Variants in ZNF521 observed in about 807,000 individuals in gnomAD.
ZNF521 encodes LYST-interacting protein 3.
ZNF521 carries 14 observed loss-of-function variants against 105.5 expected under a neutral mutation model. The ratio of observed to expected loss-of-function variants is 0.13; its 90% CI spans 0.09 to 0.21. The LOEUF (loss-of-function observed/expected upper bound fraction) is 0.21, where lower values mean the gene tolerates loss of function less well. Ranked by LOEUF, ZNF521 falls within the 10% of genes least tolerant of loss-of-function variation. The probability of loss-of-function intolerance (pLI) is 1.00; values close to 1 mark genes in which losing one functional copy is unlikely to be tolerated. For missense variants in ZNF521, 1,233 were observed against 1,629.7 expected, an observed-to-expected ratio of 0.76 and a Z score of 4.19; for synonymous variants, 635 against 606.0, an observed-to-expected ratio of 1.05 and a Z score of -0.70.
Position 25,226,705 on chromosome 18 carries a change from A to C in ZNF521, c.1213T>G (p.Tyr405Asp). 1 of 1,614,166 alleles carries C rather than the reference A, an allele frequency of 6.2e-7. No homozygotes were observed. Among genetic ancestry groups the C allele is most frequent in the Middle Eastern group, 1.6e-4 (1 of 6,062 alleles). ...TGTTTGTTGCAGTAAATACAGCTGT[A>C]GGTAACTTTTGCTTGTTTACTCGAG... ...GPSSKQAKVT[Y>D]SCIYCNKQLF... The change falls in exon 4 of 8, where the codon TAC becomes GAC. Residue 405 changes from tyrosine to aspartate, a missense_variant. Physicochemically the swap from Tyr to Asp is radical, Grantham distance 160 (BLOSUM62 -3). Coordinates refer to ENST00000361524, the MANE Select transcript of ZNF521 (RefSeq NM_015461.3). This position sits in a 1 kb window ranked among gnomAD's most constrained non-coding sequence, Gnocchi z 4.1.
At chr18:25,245,632 G>A (rs1183153112) in intron 3 of ZNF521, among the ~76,000 whole-genome samples, 3 of 152,144 alleles carry the variant, frequency 2.0e-5, no homozygotes, top group South Asian at 2.1e-4. Flanking sequence ...TGGGATCAAA[G>A]GTGTATGAAA....
At chr18:25,208,227 T>A (rs182574889) in intron 4 of ZNF521, among the ~76,000 whole-genome samples, 12 of 152,336 alleles carry the variant, frequency 7.9e-5, no homozygotes, top group Non-Finnish European at 2.9e-5. Flanking sequence ...TTTATAGGTT[T>A]AATTCTTTAC....
At chr18:25,076,640 ATTAT>A (rs2033369082) in intron 7 of ZNF521, among the ~76,000 whole-genome samples, 1 of 152,204 alleles carries the variant, frequency 6.6e-6, no homozygotes. Context: ...GGCAGCCTTT[ATTAT>A]ATAATAAAAT....
intron 5 of ZNF521, among the ~76,000 whole-genome samples, chr18:25,146,594 A>G (rs1351776333): frequency 6.6e-6 from 1 of 152,202 alleles, no homozygotes; most frequent in African/African-American, 2.4e-5. Flanking sequence ...CATCTTTATT[A>G]GAAAAACTGT....
At chr18:25,089,678 C>A (rs936517578) in intron 6 of ZNF521, 98 bp from the exon 7 acceptor site, 41 of 916,900 alleles carry the variant, frequency 4.5e-5, no homozygotes, top group Middle Eastern at 2.1e-4. Flanking sequence ...GGACAGCACG[C>A]CTCCCAGGTG....
At chr18:25,310,350 TTTAA>T (rs985759296) in intron 3 of ZNF521, among the ~76,000 whole-genome samples, 15 of 152,098 alleles carry the variant, frequency 9.9e-5, no homozygotes, top group Non-Finnish European at 2.2e-4. Context: ...TGTCTACATT[TTTAA>T]TTAGTCACCA....
At chr18:25,333,731 G>A (rs558547270) in intron 2 of ZNF521, among the ~76,000 whole-genome samples, 3 of 152,188 alleles carry the variant, frequency 2.0e-5, no homozygotes, top group South Asian at 2.1e-4. Flanking sequence ...AATATATTTC[G>A]AACAAAAGAA....
intron 5 of ZNF521, among the ~76,000 whole-genome samples, chr18:25,146,059 C>T (rs562927925): frequency 1.3e-5 from 2 of 152,278 alleles, no homozygotes; most frequent in African/African-American, 2.4e-5. Context: ...AACCTTCAAA[C>T]AACCTTATTA....
chr18:25,317,967 A>G, intron 3 of ZNF521, among the ~76,000 whole-genome samples: 1 of 152,174 alleles, frequency 6.6e-6, no homozygotes, highest in Non-Finnish European at 1.5e-5. Context: ...CAGCAATTCT[A>G]TTCCTAACGA....
rs1309915565 is a variant in ZNF521 at position 25,061,956 on chromosome 18, A to C, written c.*756T>G. On this transcript the variant is annotated 3_prime_UTR_variant, in exon 8 of 8. Coordinates refer to ENST00000361524, the MANE Select transcript of ZNF521 (RefSeq NM_015461.3). ...GTAAACTGAATTTATTTCCTCTTGGAAAACAATTCCAGTAATCTCCAGGTT... is the reference window on the plus strand; with the variant it reads ...GTAAACTGAATTTATTTCCTCTTGGCAAACAATTCCAGTAATCTCCAGGTT... 1 of 181,968 alleles carries C rather than the reference A, an allele frequency of 5.5e-6. No homozygotes were observed. Among genetic ancestry groups the C allele is most frequent in the African/African-American group, 2.4e-5 (1 of 42,468 alleles). 11.3% of individuals were successfully genotyped at this position (181,968 alleles called of 1,614,324 possible). A position where few individuals can be genotyped will look rare whatever the true frequency, so the allele number is the denominator to read the frequency against.
At chr18:25,332,066 G>T (rs1019658545) in intron 2 of ZNF521, among the ~76,000 whole-genome samples, 1 of 122,466 alleles carries the variant, frequency 8.2e-6, no homozygotes, top group African/African-American at 2.9e-5. Flanking sequence ...AAAATGTTGG[G>T]TTTTTTCTTT....
intron 5 of ZNF521, among the ~76,000 whole-genome samples, chr18:25,128,033 T>C (rs959470823): frequency 2.0e-5 from 3 of 151,828 alleles, no homozygotes; most frequent in South Asian, 4.2e-4. Context: ...AGGAAAACAA[T>C]AGACCACTAT....
chr18:25,206,282 A>G (rs978194023), intron 4 of ZNF521, among the ~76,000 whole-genome samples: 3 of 152,168 alleles, frequency 2.0e-5, no homozygotes, highest in African/African-American at 7.2e-5. Flanking sequence ...TGCTGGGATT[A>G]CAGGTGTAAG....
intron 3 of ZNF521, among the ~76,000 whole-genome samples, chr18:25,298,874 C>T (rs1477708180): frequency 6.6e-6 from 1 of 152,190 alleles, no homozygotes; most frequent in Non-Finnish European, 1.5e-5. Flanking sequence ...TACAGTTTCA[C>T]TTGATCAAGC....
At chr18:25,115,137 G>A (rs1252485411) in intron 5 of ZNF521, among the ~76,000 whole-genome samples, 1 of 152,144 alleles carries the variant, frequency 6.6e-6, no homozygotes, top group East Asian at 1.9e-4. Flanking sequence ...TCTATAGTCT[G>A]GGATTCTCAA....
chr18:25,144,959 T>C (rs117650981), intron 5 of ZNF521, among the ~76,000 whole-genome samples: 2,429 of 152,218 alleles, frequency 0.016, 22 homozygotes, highest in Non-Finnish European at 0.025. Flanking sequence ...AGAACTCCAT[T>C]CTCCCCTTTG....
Position 25,226,720 on chromosome 18 carries a change from G to C in ZNF521, c.1198C>G (p.Gln400Glu). ...ATACAGCTGTAGGTAACTTTTGCTT[G>C]TTTACTCGAGGGACCAGTCATGTCA... The part of the protein sequence containing the change: ...TPDMTGPSSK[Q>E]AKVTYSCIYC... The change falls in exon 4 of 8, where the codon CAA (glutamine) becomes GAA (glutamate). Residue 400 changes from glutamine to glutamate, a missense_variant. Transcript: ENST00000361524. The surrounding 1 kb of genome is among the most constrained non-coding windows in gnomAD (Gnocchi z 4.1). The C allele has an allele frequency of 1.2e-6, 2 of 1,614,124 alleles. No homozygotes were observed. The highest frequency in any genetic ancestry group is 1.7e-6 in the Non-Finnish European group (2 of 1,180,014).
chr18:25,223,179 T>C (rs1268889268), intron 4 of ZNF521, among the ~76,000 whole-genome samples: 1 of 152,248 alleles, frequency 6.6e-6, no homozygotes, highest in Non-Finnish European at 1.5e-5. Context: ...AGCTATGTTC[T>C]TCCAGCTGTC....
chr18:25,349,304 G>A (rs1449877343), intron 2 of ZNF521, among the ~76,000 whole-genome samples: 2 of 152,136 alleles, frequency 1.3e-5, no homozygotes, highest in African/African-American at 4.8e-5. Flanking sequence ...ACCCGCGCAC[G>A]CCCGTGGCGT....
Sources: gnomAD v4.1 joint callset for allele counts (sites outside exome capture counted in the v4.1 genomes callset) on GRCh38, gnomAD v4.1.1 for gene constraint, Gnocchi (gnomAD v3.1) non-coding constraint, MANE v1.5 for transcripts, NCBI Gene and HGNC (gene_info 2026-07-23, HGNC 2026-07-21) for gene names.